ECT2: variants seen among roughly 807,000 people sequenced by gnomAD.
ECT2 encodes the protein epithelial cell transforming 2, also known as protein ECT2.
A neutral mutation model predicts 116.9 loss-of-function variants in ECT2; 61 were observed. The observed-to-expected ratio is 0.52, with a 90% CI of 0.42 to 0.65. The LOEUF (loss-of-function observed/expected upper bound fraction) is 0.65. ECT2 is among the 30% of genes least tolerant of loss of function. ECT2 has a pLI of 0.00. For missense variants in ECT2, 937 were observed against 1,078.7 expected (o/e 0.87, Z 1.84); for synonymous variants, 358 against 346.4 (o/e 1.03, Z -0.37).
At chr3:172,761,408 C>T (rs898627698) in intron 7 of ECT2, among the ~76,000 whole-genome samples, 8 of 152,186 alleles carry the variant, frequency 5.3e-5, no homozygotes, top group African/African-American at 9.6e-5. Flanking sequence ...GGAAACAGTT[C>T]GGACACCATG....
intron 18 of ECT2, among the ~76,000 whole-genome samples, chr3:172,787,366 C>T (rs1308737565): frequency 2.9e-4 from 1 of 3,408 alleles, no homozygotes. Flanking sequence ...CTCTCTCATT[C>T]TCTTGAGACA....
chr3:172,778,890 C>T (rs758680116), intron 14 of ECT2, among the ~76,000 whole-genome samples: 2 of 152,036 alleles, frequency 1.3e-5, no homozygotes, highest in Non-Finnish European at 2.9e-5. Context: ...CCACGGCACC[C>T]GGCCTAAGAC....
chr3:172,799,813 C>T (rs1726389619), intron 18 of ECT2, among the ~76,000 whole-genome samples: 1 of 152,076 alleles, frequency 6.6e-6, no homozygotes, highest in Non-Finnish European at 1.5e-5. Context: ...ATTTTTAAGC[C>T]TTGTTTTTAT....
chr3:172,799,603 G>A (rs955273844), intron 18 of ECT2, among the ~76,000 whole-genome samples: 2 of 152,148 alleles, frequency 1.3e-5, no homozygotes, highest in African/African-American at 2.4e-5. Context: ...TGTTCAAAAT[G>A]TACTGGTGGT....
At chr3:172,818,102 G>T (rs141366578) in intron 24 of ECT2, among the ~76,000 whole-genome samples, 1 of 151,968 alleles carries the variant, frequency 6.6e-6, no homozygotes, top group Admixed American at 6.6e-5. Context: ...TAAAATTTCC[G>T]CAGGTAAGAC....
At chr3:172,821,834 A>G (rs1398561436), downstream of ECT2, among the ~76,000 whole-genome samples, 2 of 151,910 alleles carry the variant, frequency 1.3e-5, no homozygotes, top group African/African-American at 4.8e-5. Flanking sequence ...GAGATAAGGA[A>G]TAAAGCTAGA....
chr3:172,799,397 C>T (rs1726301116), intron 18 of ECT2, among the ~76,000 whole-genome samples: 1 of 152,128 alleles, frequency 6.6e-6, no homozygotes. Context: ...TGTAGACAGC[C>T]TTTCCCAAGA....
chr3:172,759,695 C>T (rs1192422275), intron 6 of ECT2, among the ~76,000 whole-genome samples: 9 of 152,138 alleles, frequency 5.9e-5, no homozygotes, highest in African/African-American at 1.9e-4. Flanking sequence ...CCGCTTGCCT[C>T]GGCCTCCCAA....
chr3:172,823,856 AT>A (rs1266449836), downstream of ECT2, among the ~76,000 whole-genome samples: 4 of 151,344 alleles, frequency 2.6e-5, no homozygotes, highest in East Asian at 5.8e-4. Context: ...GATACATAAT[AT>A]TTGTATTATG....
chr3:172,796,367 C>CT (rs1259246815), intron 18 of ECT2: 1 of 152,178 alleles, frequency 6.6e-6, no homozygotes, highest in East Asian at 1.9e-4. Flanking sequence ...GTCTGAATCT[C>CT]TATGTTTACA....
At chr3:172,788,994 G>T (rs1379891952) in intron 18 of ECT2, among the ~76,000 whole-genome samples, 1 of 145,476 alleles carries the variant, frequency 6.9e-6, no homozygotes, top group Non-Finnish European at 1.5e-5. Flanking sequence ...GGATGTGGAG[G>T]TTGCAGTGAG....
chr3:172,764,195 G>T, intron 11 of ECT2, 83 bp from the exon 12 acceptor site: 2 of 1,220,236 alleles, frequency 1.6e-6, no homozygotes, highest in Non-Finnish European at 2.3e-6. Flanking sequence ...GATTCTGTCA[G>T]ACTTGTAAAT....
Position 172,805,955 on chromosome 3 carries a change from A to T in ECT2, c.2245+86A>T, listed in dbSNP as rs546607729. On this transcript the variant is annotated intron_variant, in intron 21 of 24. Coordinates refer to ENST00000392692, the MANE Select transcript of ECT2 (RefSeq NM_001258315.2). ...ATTTACTCCATTTTGGCTTTTTTAA[A>T]TTGGTAAATTATCTTTAAATATAGT... The T allele has an allele frequency of 4.3e-6, 6 of 1,388,152 alleles. No homozygotes were observed. The South Asian group carries it at 8.2e-5, about 19-fold the overall frequency. The allele number at this position is 1,388,152 out of a possible 1,614,324, so 86.0% of individuals were successfully genotyped here.
intron 14 of ECT2, among the ~76,000 whole-genome samples, chr3:172,779,655 C>T (rs1722340397): frequency 6.6e-6 from 1 of 152,172 alleles, no homozygotes; most frequent in African/African-American, 2.4e-5. Flanking sequence ...CCTGTAATCC[C>T]AGCACTTTGG....
downstream of ECT2, among the ~76,000 whole-genome samples, chr3:172,824,471 G>A (rs1176138759): frequency 6.6e-6 from 1 of 152,092 alleles, no homozygotes; most frequent in Non-Finnish European, 1.5e-5. Flanking sequence ...GGGGGATGGT[G>A]CTAAAGCATT....
chr3:172,818,631 C>T, intron 24 of ECT2: 1 of 1,289,084 alleles, frequency 7.8e-7, no homozygotes, highest in Non-Finnish European at 1.0e-6. Context: ...CTGGTGGGCG[C>T]TCTCAGTACT....
intron 17 of ECT2, among the ~76,000 whole-genome samples, chr3:172,785,138 A>G (rs181541902): frequency 2.1e-4 from 32 of 152,274 alleles, no homozygotes; most frequent in African/African-American, 3.1e-4. Flanking sequence ...GATAATTTGT[A>G]TGTCCCGACT....
intron 18 of ECT2, among the ~76,000 whole-genome samples, chr3:172,794,474 C>T (rs2108870807): frequency 6.6e-6 from 1 of 152,238 alleles, no homozygotes; most frequent in African/African-American, 2.4e-5. Context: ...GTGCTTATGC[C>T]AGTACCACAC....
chr3:172,795,110 TG>T (rs1384829199), intron 18 of ECT2, among the ~76,000 whole-genome samples: 1 of 152,164 alleles, frequency 6.6e-6, no homozygotes, highest in Non-Finnish European at 1.5e-5. Flanking sequence ...GGATAAGCTT[TG>T]GGTTTCTTGT....
Sources: allele counts gnomAD v4.1 joint callset (sites outside exome capture counted in the v4.1 genomes callset), GRCh38; gene constraint gnomAD v4.1.1; transcripts MANE v1.5; gene names NCBI Gene and HGNC (gene_info 2026-07-23, HGNC 2026-07-21).